The following THSD4 variants were observed in gnomAD, a reference collection of about 807,000 sequenced individuals.
The protein encoded by THSD4 is thrombospondin type-1 domain-containing protein 4.
A neutral mutation model predicts 119.0 loss-of-function variants in THSD4; 69 were observed. That is an observed-to-expected ratio of 0.58 (90% CI 0.48 to 0.71). The LOEUF (loss-of-function observed/expected upper bound fraction) is 0.71. Ranked by LOEUF, THSD4 falls within the 30% of genes least tolerant of loss-of-function variation. THSD4 has a pLI of 0.00. For synonymous variants in THSD4, 524 were observed against 540.4 expected, an observed-to-expected ratio of 0.97 and a Z score of 0.42; for missense variants, 1,393 against 1,391.1, an observed-to-expected ratio of 1.00 and a Z score of -0.02.
At chr15:71,741,434 A>G (rs1051012113) in intron 11 of THSD4, among the ~76,000 whole-genome samples, 4 of 152,098 alleles carry the variant, frequency 2.6e-5, no homozygotes, top group African/African-American at 9.7e-5. Flanking sequence ...CGGAGGTTGC[A>G]ATGAGCCAAG....
chr15:71,322,890 A>G (rs2045287425), intron 6 of THSD4, among the ~76,000 whole-genome samples: 2 of 152,226 alleles, frequency 1.3e-5, no homozygotes, highest in Middle Eastern at 3.4e-3. Context: ...TGAGCCCAGG[A>G]GTTCAAGACC....
chr15:71,483,279 T>C (rs1343862562), intron 7 of THSD4, among the ~76,000 whole-genome samples: 1 of 152,134 alleles, frequency 6.6e-6, no homozygotes, highest in Admixed American at 6.5e-5. Context: ...TTGAGTACCT[T>C]CATAAACTCC....
chr15:71,442,612 GT>G (rs2047117108), intron 7 of THSD4, among the ~76,000 whole-genome samples: 2 of 70,854 alleles, frequency 2.8e-5, no homozygotes, highest in African/African-American at 5.0e-5. Context: ...GTGTGTGTGT[GT>G]GTGTGTATAT....
intron 7 of THSD4, among the ~76,000 whole-genome samples, chr15:71,447,585 G>C (rs1402545718): frequency 6.6e-6 from 1 of 152,190 alleles, no homozygotes; most frequent in Non-Finnish European, 1.5e-5. Context: ...CCTCGAGGTA[G>C]GACTGTCTTT....
chr15:71,747,955 C>T (rs1318750600), intron 13 of THSD4, among the ~76,000 whole-genome samples: 1 of 152,218 alleles, frequency 6.6e-6, no homozygotes, highest in East Asian at 1.9e-4. Context: ...AACCCCTTGC[C>T]TGCCATGGCG....
At chr15:71,575,742 A>G (rs1436443170) in intron 7 of THSD4, among the ~76,000 whole-genome samples, 1 of 152,226 alleles carries the variant, frequency 6.6e-6, no homozygotes, top group Non-Finnish European at 1.5e-5. Flanking sequence ...TAGGAAATTT[A>G]TGAATAATCC....
intron 7 of THSD4, among the ~76,000 whole-genome samples, chr15:71,479,911 C>T (rs2047704991): frequency 6.6e-6 from 1 of 152,190 alleles, no homozygotes; most frequent in Non-Finnish European, 1.5e-5. Context: ...GAGAGAAACA[C>T]TGTTAACATT....
At chr15:71,361,296 TTGGA>T (rs1365073998) in intron 6 of THSD4, among the ~76,000 whole-genome samples, 2 of 152,170 alleles carry the variant, frequency 1.3e-5, no homozygotes, top group Admixed American at 1.3e-4. Flanking sequence ...TCATGTCACT[TTGGA>T]TGGATTTTAA....
intron 3 of THSD4, among the ~76,000 whole-genome samples, chr15:71,197,257 A>T (rs1345863182): frequency 6.6e-6 from 1 of 152,190 alleles, no homozygotes; most frequent in Non-Finnish European, 1.5e-5. Context: ...TAGCTCGATT[A>T]TGCTTAGAAC....
chr15:71,749,012 G>A (rs1374476812), intron 14 of THSD4, among the ~76,000 whole-genome samples: 2 of 152,208 alleles, frequency 1.3e-5, no homozygotes, highest in Non-Finnish European at 2.9e-5. Flanking sequence ...AGTCTCAGGT[G>A]TCAAAGAATA....
In THSD4 at chr15:71,532,283, A is replaced by AGAGAGAGAGAGAGAGAGTGT. The variant is rs1379506089; in HGVS notation, c.1152+120461_1152+120462insAGAGAGAGAGAGAGAGTGTG. Among the ~76,000 whole-genome samples the AGAGAGAGAGAGAGAGAGTGT allele has an allele frequency of 1.1e-3, 109 of 101,626 alleles. 1 individual carries two copies. The highest frequency in any genetic ancestry group is 2.4e-3 in the South Asian group (6 of 2,460). 66.7% of individuals were successfully genotyped at this position (101,626 alleles called of 152,430 possible). On this transcript the variant is annotated intron_variant, in intron 7 of 17. Coordinates refer to ENST00000261862, the MANE Select transcript of THSD4 (RefSeq NM_024817.3). ...AAGGGTGAGAGAGAGAGAGAGAGAGAGTGTGTGTGTGTGTGTGTGTGTGTG... is the reference window on the plus strand; with the variant it reads ...AAGGGTGAGAGAGAGAGAGAGAGAGAGAGAGAGAGAGAGAGAGTGTGTGTGTGTGTGTGTGTGTGTGTGTG...
chr15:71,305,304 C>G (rs961310324), intron 6 of THSD4, among the ~76,000 whole-genome samples: 3 of 152,208 alleles, frequency 2.0e-5, no homozygotes, highest in African/African-American at 7.2e-5. Context: ...CTGCGATCTA[C>G]TCTGTAAGGA....
chr15:71,751,823 A>T (rs1253119516), intron 14 of THSD4, among the ~76,000 whole-genome samples: 1 of 152,152 alleles, frequency 6.6e-6, no homozygotes, highest in African/African-American at 2.4e-5. Flanking sequence ...ATAAGCCTCC[A>T]TACACGGGTG....
chr15:71,335,782 A>G (rs2045482694), intron 6 of THSD4, among the ~76,000 whole-genome samples: 1 of 152,158 alleles, frequency 6.6e-6, no homozygotes, highest in African/African-American at 2.4e-5. Flanking sequence ...TCTTTTAACA[A>G]GGGGTCAGTA....
At chr15:71,351,879 A>G (rs1476492428) in intron 6 of THSD4, among the ~76,000 whole-genome samples, 1 of 152,188 alleles carries the variant, frequency 6.6e-6, no homozygotes, top group Non-Finnish European at 1.5e-5. Flanking sequence ...ATTACCAAAT[A>G]ATGGTAATGT....
intron 6 of THSD4, among the ~76,000 whole-genome samples, chr15:71,298,585 A>G (rs1319852305): frequency 2.0e-5 from 3 of 147,668 alleles, no homozygotes; most frequent in African/African-American, 7.5e-5. Flanking sequence ...TGAGACTGAG[A>G]CTGACCCCTG....
intron 5 of THSD4, among the ~76,000 whole-genome samples, chr15:71,255,584 T>C (rs2044306171): frequency 6.6e-6 from 1 of 152,186 alleles, no homozygotes; most frequent in African/African-American, 2.4e-5. Flanking sequence ...CTCTGGGTGA[T>C]TGTTTTGCAT....
At position 71,227,327 on chromosome 15, in the gene THSD4, A is replaced by C. The variant is rs192270223; in HGVS notation, c.464+11928A>C. Among the ~76,000 whole-genome samples the C allele has an allele frequency of 5.3e-5, 8 of 152,346 alleles. No homozygotes were observed. In the East Asian group the frequency reaches 1.5e-3, roughly 29 times the overall value. ...ACTCTGGTTCCAGAAGAAAGATGCGATGGGCTATGGAAAAAGCCTGACTGC... is the reference window on the plus strand; with the variant it reads ...ACTCTGGTTCCAGAAGAAAGATGCGCTGGGCTATGGAAAAAGCCTGACTGC... On this transcript the variant is annotated intron_variant, in intron 4 of 17. Coordinates refer to ENST00000261862, the MANE Select transcript of THSD4 (RefSeq NM_024817.3).
At chr15:71,504,896 G>A (rs1315812314) in intron 7 of THSD4, among the ~76,000 whole-genome samples, 1 of 152,178 alleles carries the variant, frequency 6.6e-6, no homozygotes, top group East Asian at 1.9e-4. Flanking sequence ...CTTCTGGCCT[G>A]TCCTAATTTC....
Sources: gnomAD v4.1 joint callset for allele counts (sites outside exome capture counted in the v4.1 genomes callset) on GRCh38, gnomAD v4.1.1 for gene constraint, MANE v1.5 for transcripts, NCBI Gene and HGNC (gene_info 2026-07-23, HGNC 2026-07-21) for gene names.